The following ANKRD26 variants were observed in gnomAD, a reference collection of about 807,000 sequenced individuals.
ANKRD26 encodes ankyrin repeat domain 26, also known as ankyrin repeat domain-containing protein 26.
A neutral mutation model predicts 208.7 loss-of-function variants in ANKRD26; 141 were observed. That is an observed-to-expected ratio of 0.68 (90% confidence interval 0.59 to 0.78). ANKRD26 has a LOEUF of 0.78. Among genes scored for constraint, ANKRD26 ranks in the 30% least tolerant of loss-of-function variants. ANKRD26 has a pLI of 0.00. For synonymous variants in ANKRD26, 636 were observed against 660.4 expected (o/e 0.96, Z 0.57); for missense variants, 1,889 against 1,938.7 (o/e 0.97, Z 0.48).
At chr10:27,098,111 C>T (rs1197300724) in intron 1 of ANKRD26, among the ~76,000 whole-genome samples, 1 of 152,006 alleles carries the variant, frequency 6.6e-6, no homozygotes, top group African/African-American at 2.4e-5. Flanking sequence ...ATACCCTTTA[C>T]TTTTTCTTTT....
rs774080477 is a variant in ANKRD26, at chr10:27,093,755, A to G, written c.287T>C (p.Val96Ala). Residue 96 changes from valine to alanine, a missense_variant, in exon 2 of 34, where the codon GTA (valine) becomes GCA (alanine). This residue lies in a region of ANKRD26 where 1,272 missense variants were observed against 1,273.8 expected (regional missense o/e 1.00). Coordinates refer to ENST00000376087, the MANE Select transcript of ANKRD26 (RefSeq NM_014915.3). ...GCATTTTCTGTCCACCAGGAGAGTT[A>G]CTACTTCTGGATGACCATTGGCACA... Reference protein sequence around the residue: ...LACANGHPEVVTLLVDRKCQL... With the variant: ...LACANGHPEVATLLVDRKCQL... 1 of 1,614,256 alleles carries G rather than the reference A, an allele frequency of 6.2e-7. No homozygotes were observed. The highest frequency in any genetic ancestry group is 1.1e-5 in the South Asian group (1 of 91,088).
chr10:26,988,695 G>A (rs2052431603), downstream of ANKRD26, among the ~76,000 whole-genome samples: 1 of 151,918 alleles, frequency 6.6e-6, no homozygotes, highest in South Asian at 2.1e-4. Context: ...CTGATAGAAG[G>A]GTATGTGAGT....
At chr10:27,083,935 C>A (rs1589362451) in intron 5 of ANKRD26, among the ~76,000 whole-genome samples, 1 of 152,188 alleles carries the variant, frequency 6.6e-6, no homozygotes. Flanking sequence ...AGCACCTAGG[C>A]CGGGTGCAGT....
At chr10:26,999,693 G>C (rs868020355), downstream of ANKRD26, among the ~76,000 whole-genome samples, 1 of 151,538 alleles carries the variant, frequency 6.6e-6, no homozygotes, top group South Asian at 2.1e-4. Flanking sequence ...AGAATGCCCT[G>C]AAAGGCTGAG....
intron 31 of ANKRD26, among the ~76,000 whole-genome samples, chr10:27,014,291 A>G (rs1263446697): frequency 1.3e-5 from 2 of 151,896 alleles, no homozygotes; most frequent in African/African-American, 2.4e-5. Context: ...AAAGCCATAT[A>G]AAATTAAAAA....
the ANKRD26 span, among the ~76,000 whole-genome samples, chr10:26,958,160 G>A: frequency 3.3e-5 from 5 of 151,904 alleles, no homozygotes; most frequent in Admixed American, 1.3e-4. Context: ...TCAGCTCACT[G>A]CAAACTCTGC....
At chr10:27,068,983 C>T (rs1369480337) in intron 9 of ANKRD26, among the ~76,000 whole-genome samples, 1 of 151,892 alleles carries the variant, frequency 6.6e-6, no homozygotes, top group Non-Finnish European at 1.5e-5. Context: ...ATCATGATGT[C>T]AGGAGTTCGA....
downstream of ANKRD26, among the ~76,000 whole-genome samples, chr10:26,972,588 CTT>C (rs773904333): frequency 1.7e-4 from 21 of 121,946 alleles, no homozygotes; most frequent in Admixed American, 3.3e-4. Context: ...CAAAGTGATT[CTT>C]TTTTTTTTTT....
At chr10:27,049,248 T>A (rs1181034737) in intron 16 of ANKRD26, among the ~76,000 whole-genome samples, 1 of 152,176 alleles carries the variant, frequency 6.6e-6, no homozygotes, top group Non-Finnish European at 1.5e-5. Context: ...AAGGCTCTTC[T>A]TAATTTTGTG....
At chr10:27,080,580 C>T (rs2055871847) in intron 6 of ANKRD26, 1 of 956,956 alleles carries the variant, frequency 1.0e-6, no homozygotes, top group Non-Finnish European at 1.2e-6. Context: ...GAGAAAGAGT[C>T]CTGGTAGTTG....
At chr10:26,981,289 A>G (rs1004295893) in intron 4 of ANKRD26, among the ~76,000 whole-genome samples, 1 of 152,238 alleles carries the variant, frequency 6.6e-6, no homozygotes, top group Non-Finnish European at 1.5e-5. Flanking sequence ...GCAAGTCAGC[A>G]AAAGAGGAGC....
chr10:27,069,103 G>T (rs897315897), intron 9 of ANKRD26, among the ~76,000 whole-genome samples: 2 of 149,612 alleles, frequency 1.3e-5, no homozygotes, highest in Non-Finnish European at 3.0e-5. Context: ...GCTGATGCAG[G>T]AGAATTGCTT....
At chr10:27,002,654 T>G (rs561216974), downstream of ANKRD26, among the ~76,000 whole-genome samples, 1 of 152,260 alleles carries the variant, frequency 6.6e-6, no homozygotes, top group Non-Finnish European at 1.5e-5. Context: ...GAATGCAAAT[T>G]ACTATAAAAT....
chr10:27,060,206 T>TA (rs1320211594), intron 15 of ANKRD26, 139 bp downstream of exon 15: 110 of 799,482 alleles, frequency 1.4e-4, no homozygotes, highest in Non-Finnish European at 1.7e-4. Context: ...CGGTCTCAAT[T>TA]AAAAAAAAAT....
At chr10:26,973,757 G>A (rs2052183687), downstream of ANKRD26, among the ~76,000 whole-genome samples, 1 of 139,502 alleles carries the variant, frequency 7.2e-6, no homozygotes, top group Non-Finnish European at 1.5e-5. Flanking sequence ...GGGTTCAAGT[G>A]ATTCTGCTGC....
At chr10:27,080,014 G>A in intron 6 of ANKRD26, 1 of 378,260 alleles carries the variant, frequency 2.6e-6, no homozygotes, top group South Asian at 1.9e-5. Flanking sequence ...AGAATTAGCT[G>A]GGTGTGGTGG....
intron 9 of ANKRD26, among the ~76,000 whole-genome samples, chr10:27,075,485 A>G (rs2055662999): frequency 6.6e-6 from 1 of 152,206 alleles, no homozygotes; most frequent in Admixed American, 6.5e-5. Context: ...AACAACAGTA[A>G]AAGTAGATAA....
At chr10:27,012,032 T>C (rs561979454) in intron 32 of ANKRD26, among the ~76,000 whole-genome samples, 35 of 152,210 alleles carry the variant, frequency 2.3e-4, no homozygotes, top group Non-Finnish European at 4.3e-4. Flanking sequence ...AAATACAAAT[T>C]AATCAGTGTT....
At chr10:27,046,565 A>G in intron 17 of ANKRD26, 42 bp from the exon 18 acceptor site, 3 of 1,583,332 alleles carry the variant, frequency 1.9e-6, no homozygotes, top group Non-Finnish European at 2.6e-6. Flanking sequence ...ATAAGAAAAA[A>G]GAAAAAAAGA....
Sources: gnomAD v4.1 joint callset for allele counts (sites outside exome capture counted in the v4.1 genomes callset) on GRCh38, gnomAD v4.1.1 for gene constraint, gnomAD v4.1.1 regional missense constraint, MANE v1.5 for transcripts, NCBI Gene and HGNC (gene_info 2026-07-23, HGNC 2026-07-21) for gene names.